Variants in RAD51B observed in about 807,000 individuals in gnomAD.
RAD51B encodes the protein RAD51 paralog B.
RAD51B carries 38 observed loss-of-function variants against 42.2 expected under a neutral mutation model. That is an observed-to-expected ratio of 0.90 (90% CI 0.70 to 1.18). The LOEUF (loss-of-function observed/expected upper bound fraction) is 1.18, where lower values mean the gene tolerates loss of function less well. Ranked by LOEUF, RAD51B falls within the 50% of genes most tolerant of loss-of-function variation. RAD51B has a pLI of 0.00. For synonymous variants in RAD51B, 154 were observed against 145.2 expected (o/e 1.06, Z -0.43); for missense variants, 373 against 400.7 (o/e 0.93, Z 0.59).
chr14:68,671,676 GT>G (rs1177084778), intron 11 of RAD51B, among the ~76,000 whole-genome samples: 1 of 152,010 alleles, frequency 6.6e-6, no homozygotes, highest in Non-Finnish European at 1.5e-5. Flanking sequence ...CGCCTTGTAT[GT>G]TCTGTTTCAG....
downstream of RAD51B, among the ~76,000 whole-genome samples, chr14:68,480,031 T>G (rs551395809): frequency 6.6e-6 from 1 of 152,244 alleles, no homozygotes; most frequent in East Asian, 1.9e-4. Context: ...AAACTTACGT[T>G]AAATAAATTT....
At chr14:67,987,990 G>A (rs989611106) in intron 7 of RAD51B, among the ~76,000 whole-genome samples, 4 of 152,088 alleles carry the variant, frequency 2.6e-5, no homozygotes, top group African/African-American at 9.7e-5. Context: ...AGTGTTTGCC[G>A]TGGTAGGTAT....
At chr14:67,835,601 A>C (rs1271744715) in intron 4 of RAD51B, among the ~76,000 whole-genome samples, 1 of 151,672 alleles carries the variant, frequency 6.6e-6, no homozygotes, top group Non-Finnish European at 1.5e-5. Context: ...GTATGCACAT[A>C]AATAACATTA....
intron 7 of RAD51B, among the ~76,000 whole-genome samples, chr14:67,932,980 G>C (rs186514631): frequency 6.1e-4 from 93 of 152,300 alleles, no homozygotes; most frequent in African/African-American, 2.1e-3. Context: ...TTGTATATGT[G>C]TAAACCTGAG....
At chr14:68,451,951 C>T (rs967485765) in intron 9 of RAD51B, among the ~76,000 whole-genome samples, 3 of 152,180 alleles carry the variant, frequency 2.0e-5, no homozygotes, top group African/African-American at 7.2e-5. Flanking sequence ...AAGACACACC[C>T]TCTGAGTTCC....
chr14:68,665,168 GC>G (rs1893007935), intron 11 of RAD51B, among the ~76,000 whole-genome samples: 1 of 152,192 alleles, frequency 6.6e-6, no homozygotes. Flanking sequence ...TGGCAAGACA[GC>G]AAGGAGAATG....
intron 10 of RAD51B, among the ~76,000 whole-genome samples, chr14:68,546,933 G>A (rs1389674135): frequency 6.6e-6 from 1 of 152,238 alleles, no homozygotes; most frequent in Non-Finnish European, 1.5e-5. Context: ...CCTCTGTGCA[G>A]TTTATCAGGA....
At position 68,041,565 on chromosome 14, in the gene RAD51B, T is replaced by C. The variant is rs74611379; in HGVS notation, c.756+154361T>C. Among the ~76,000 whole-genome samples, 1,408 of 146,856 alleles carry C rather than the reference T, an allele frequency of 9.6e-3. 19 individuals carry two copies. Among genetic ancestry groups the C allele is most frequent in the African/African-American group, 0.032 (1,279 of 39,716 alleles). ...CTGAGGGTCAACATTTATACTCTCT[T>C]TTTTTTTTTTAATCCTTGTTTTCTT... On this transcript the variant is annotated intron_variant, in intron 7 of 10. Coordinates refer to ENST00000471583, the MANE Select transcript of RAD51B (RefSeq NM_133510.4).
At chr14:68,338,820 C>A in intron 8 of RAD51B, 1 of 591,832 alleles carries the variant, frequency 1.7e-6, no homozygotes, top group South Asian at 1.4e-5. Flanking sequence ...ATTGCCTCCC[C>A]AGTGACAGTG....
chr14:67,838,281 C>G (rs1812524260), intron 4 of RAD51B, among the ~76,000 whole-genome samples: 1 of 152,102 alleles, frequency 6.6e-6, no homozygotes, highest in Non-Finnish European at 1.5e-5. Flanking sequence ...TGATTTCATA[C>G]TGTGTATCAT....
intron 8 of RAD51B, chr14:68,339,433 C>G: frequency 1.6e-6 from 1 of 637,638 alleles, no homozygotes; most frequent in Non-Finnish European, 2.7e-6. Context: ...AGCCTTTTCT[C>G]AAACAGGGGA....
chr14:68,608,381 C>T (rs1891539460), intron 10 of RAD51B, among the ~76,000 whole-genome samples: 1 of 152,206 alleles, frequency 6.6e-6, no homozygotes, highest in African/African-American at 2.4e-5. Flanking sequence ...CGAGTCCTTC[C>T]CTAGTGAGAG....
At chr14:67,836,940 A>G (rs183092961) in intron 4 of RAD51B, among the ~76,000 whole-genome samples, 15 of 152,332 alleles carry the variant, frequency 9.8e-5, no homozygotes. Flanking sequence ...AAACTTCTAA[A>G]CAAGAACAGA....
chr14:67,925,360 C>T (rs1306401188), intron 7 of RAD51B, among the ~76,000 whole-genome samples: 11 of 151,638 alleles, frequency 7.3e-5, no homozygotes, highest in Admixed American at 6.6e-4. Context: ...GTACCCTCTG[C>T]CTCCTGAGTT....
chr14:67,940,043 T>C, intron 7 of RAD51B, among the ~76,000 whole-genome samples: 1 of 15,060 alleles, frequency 6.6e-5, no homozygotes, highest in African/African-American at 1.5e-4. Context: ...TATATATATA[T>C]ATATATATAT....
chr14:68,472,991 C>T lies in RAD51B; in HGVS notation c.1037-4657C>T, dbSNP rs115317632. ...CACAAACTTGCGTTAAGTTTTCCCA[C>T]CCCATTTTTTTAGTCACTGAGCCAG... On this transcript the variant is annotated intron_variant, in intron 10 of 10. Transcript: ENST00000471583. Among the ~76,000 whole-genome samples, 208 of 152,270 alleles carry T rather than the reference C, an allele frequency of 1.4e-3. 1 individual carries two copies. The highest frequency in any genetic ancestry group is 4.9e-3 in the African/African-American group (202 of 41,542).
At chr14:68,192,014 T>A (rs1299048695) in intron 7 of RAD51B, among the ~76,000 whole-genome samples, 1 of 152,078 alleles carries the variant, frequency 6.6e-6, no homozygotes, top group Admixed American at 6.6e-5. Flanking sequence ...TAAAGGAGGG[T>A]GTTTCCTGAA....
chr14:68,281,113 G>T (rs1390716141), intron 7 of RAD51B, among the ~76,000 whole-genome samples: 1 of 151,986 alleles, frequency 6.6e-6, no homozygotes, highest in Non-Finnish European at 1.5e-5. Flanking sequence ...GTATTAAGAA[G>T]TGAGAGAAAA....
rs533294365 is a variant in RAD51B at position 68,310,673 on chromosome 14, C to T, written c.853+18693C>T. ...CCAGCCTGACCAACATGGTGAAACC[C>T]GTCTCTATTAAAAATACAAAAATTA... is the stretch of plus-strand genomic sequence containing the variant. On this transcript the variant is annotated intron_variant, in intron 8 of 10. Coordinates refer to ENST00000471583, the MANE Select transcript of RAD51B (RefSeq NM_133510.4). Among the ~76,000 whole-genome samples the T allele has an allele frequency of 2.6e-4, 39 of 152,138 alleles. No individual in the cohort carries two copies. In the South Asian group the frequency reaches 4.4e-3, roughly 17 times the overall value.
Sources: allele counts gnomAD v4.1 joint callset (sites outside exome capture counted in the v4.1 genomes callset), GRCh38; gene constraint gnomAD v4.1.1; transcripts MANE v1.5; gene names NCBI Gene and HGNC (gene_info 2026-07-23, HGNC 2026-07-21).